Variants in BCL9 observed in about 807,000 individuals in gnomAD.
BCL9 encodes the protein BCL9 transcription coactivator.
BCL9 carries 25 observed loss-of-function variants against 88.5 expected under a neutral mutation model. That is an observed-to-expected ratio of 0.28 (90% confidence interval 0.21 to 0.39). BCL9 has a LOEUF of 0.39. Among genes scored for constraint, BCL9 ranks in the 10% least tolerant of loss-of-function variants. The pLI is 1.00. For synonymous variants in BCL9, 711 were observed against 673.3 expected, an observed-to-expected ratio of 1.06 and a Z score of -0.87; for missense variants, 1,817 against 1,877.8, an observed-to-expected ratio of 0.97 and a Z score of 0.60.
In BCL9 at chr1:147,614,565, A is replaced by T; in HGVS notation, c.509A>T (p.Gln170Leu). The T allele has an allele frequency of 6.2e-7, 1 of 1,614,006 alleles. No individual in the cohort carries two copies. The highest frequency in any genetic ancestry group is 8.5e-7 in the Non-Finnish European group (1 of 1,179,980). Residue 170 changes from glutamine (Q) to leucine (L), a missense_variant, in exon 6 of 10, where the codon CAG (glutamine) becomes CTG (leucine). By Grantham distance (113) the Gln-to-Leu change is moderately radical. This residue lies in a region of BCL9 where 1,228 missense variants were observed against 1,191.6 expected (regional missense o/e 1.03). Coordinates refer to ENST00000234739, the MANE Select transcript of BCL9 (RefSeq NM_004326.4). ...ACTGCCACAGAGCCCACACCTGCTCAGAAGACTCCAGCCAAAGTGGTGTAC... is the reference window on the plus strand; with the variant it reads ...ACTGCCACAGAGCCCACACCTGCTCTGAAGACTCCAGCCAAAGTGGTGTAC... ...QTTATEPTPA[Q>L]KTPAKVVYVF...
chr1:147,571,739 G>T (rs1169827493), intron 1 of BCL9, among the ~76,000 whole-genome samples: 21 of 152,122 alleles, frequency 1.4e-4, no homozygotes, highest in Non-Finnish European at 1.3e-4. Context: ...AGAAAAGCTG[G>T]ACCTGCTGAG....
chr1:147,611,848 T>G lies in BCL9; in HGVS notation c.12T>G (p.Ser4Arg). MHS[S>R]NPKVRSSPSG... The stretch of plus-strand genomic sequence containing the variant: ...CAGGATTTCAATCAATGCATTCCAG[T>G]AACCCTAAAGTGAGGAGCTCTCCAT... The change falls in exon 4 of 10, where the codon AGT (serine) becomes AGG (arginine). Residue 4 changes from serine to arginine, a missense_variant. Coordinates refer to ENST00000234739, the MANE Select transcript of BCL9 (RefSeq NM_004326.4). 1 of 1,614,146 alleles carries G rather than the reference T, an allele frequency of 6.2e-7. No homozygotes were observed. Among genetic ancestry groups the G allele is most frequent in the Non-Finnish European group, 8.5e-7 (1 of 1,180,008 alleles).
chr1:147,602,298 C>T (rs1362966063), intron 1 of BCL9, among the ~76,000 whole-genome samples: 5 of 151,256 alleles, frequency 3.3e-5, no homozygotes, highest in Non-Finnish European at 7.4e-5. Flanking sequence ...CCTCCGCCTC[C>T]CCATCCCAGT....
chr1:147,614,688 A>G, intron 6 of BCL9, 72 bp downstream of exon 6: 5 of 1,424,534 alleles, frequency 3.5e-6, no homozygotes, highest in Non-Finnish European at 4.7e-6. Flanking sequence ...CCCATTGCAG[A>G]TTGATCTTTT....
intron 1 of BCL9, among the ~76,000 whole-genome samples, chr1:147,586,615 A>G (rs1042621458): frequency 6.6e-6 from 1 of 151,904 alleles, no homozygotes; most frequent in Admixed American, 6.6e-5. Flanking sequence ...GGGCCAGGGG[A>G]CCCGCCCTTA....
Position 147,613,202 on chromosome 1 carries a change from A to G in BCL9, c.370+3A>G. 1 of 1,614,166 alleles carries G rather than the reference A, an allele frequency of 6.2e-7. No individual in the cohort carries two copies. On this transcript the variant is annotated splice_donor_region_variant and intron_variant, in intron 5 of 9. Transcript: ENST00000234739. Reference sequence around the variant, plus strand: ...AAACGATGACTCTGACATTAAAGGTATGTCTATAAGATCTTTGAGACTCAG... The same window carrying G: ...AAACGATGACTCTGACATTAAAGGTGTGTCTATAAGATCTTTGAGACTCAG...
At chr1:147,610,471 A>G (rs1553202479) in intron 3 of BCL9, among the ~76,000 whole-genome samples, 1 of 152,204 alleles carries the variant, frequency 6.6e-6, no homozygotes, top group Non-Finnish European at 1.5e-5. Flanking sequence ...GCTACAACCT[A>G]GGATATAATT....
chr1:147,556,799 T>C (rs1317884349), intron 1 of BCL9, among the ~76,000 whole-genome samples: 2 of 152,184 alleles, frequency 1.3e-5, no homozygotes, highest in African/African-American at 4.8e-5. Context: ...ACTTAAGTGT[T>C]GGTCACTTGA....
intron 7 of BCL9, 147 bp downstream of exon 7, chr1:147,616,049 C>A: frequency 1.4e-6 from 1 of 729,938 alleles, no homozygotes; most frequent in Non-Finnish European, 2.2e-6. Flanking sequence ...CATTGTGGGG[C>A]ATTAGGCATA....
chr1:147,601,878 A>G (rs1657408768), intron 1 of BCL9, among the ~76,000 whole-genome samples: 1 of 152,022 alleles, frequency 6.6e-6, no homozygotes, highest in African/African-American at 2.4e-5. Flanking sequence ...GAGAAATTGT[A>G]TTTTATTTTA....
intron 1 of BCL9, among the ~76,000 whole-genome samples, chr1:147,575,236 G>C (rs1656056933): frequency 6.6e-6 from 1 of 152,130 alleles, no homozygotes; most frequent in East Asian, 1.9e-4. Context: ...TTACCCTTCA[G>C]GTCTTGCCTT....
At chr1:147,543,217 T>C (rs781925816) in intron 1 of BCL9, among the ~76,000 whole-genome samples, 3 of 152,248 alleles carry the variant, frequency 2.0e-5, no homozygotes, top group Non-Finnish European at 2.9e-5. Context: ...AGGCTCTCAG[T>C]TGTAGCTCTC....
chr1:147,601,812 T>G (rs987347135), intron 1 of BCL9, among the ~76,000 whole-genome samples: 1 of 152,248 alleles, frequency 6.6e-6, no homozygotes, highest in African/African-American at 2.4e-5. Context: ...TTAAATGGCA[T>G]AAGGATGCTT....
At chr1:147,551,317 A>T (rs1654894102) in intron 1 of BCL9, among the ~76,000 whole-genome samples, 1 of 152,194 alleles carries the variant, frequency 6.6e-6, no homozygotes, top group African/African-American at 2.4e-5. Flanking sequence ...CCAAAGTCAT[A>T]TAATTGCTAA....
In BCL9 at chr1:147,620,770, A is replaced by C. The variant is rs782039107; in HGVS notation, c.2615A>C (p.Gln872Pro). 4.3e-5 allele frequency: 70 copies of C among 1,614,016 alleles called. No homozygotes were observed. Among genetic ancestry groups the C allele is most frequent in the Non-Finnish European group, 5.8e-5 (68 of 1,180,050 alleles). Residue 872 changes from glutamine to proline, a missense_variant, in exon 8 of 10, where the codon CAG (glutamine) becomes CCG (proline). Physicochemically the swap from Gln to Pro is moderately conservative, Grantham distance 76. Coordinates refer to ENST00000234739, the MANE Select transcript of BCL9 (RefSeq NM_004326.4). ...AAGTCTCCCACGATGCACCAAGTCC[A>C]GTCACCAATGCTGGGCTCGCCCTCG... Reference protein sequence around the residue: ...PLKSPTMHQVQSPMLGSPSGN... With the variant: ...PLKSPTMHQVPSPMLGSPSGN...
chr1:147,573,413 A>G lies in BCL9; in HGVS notation c.-477-31364A>G, dbSNP rs933851133. Among the ~76,000 whole-genome samples, 5 of 152,308 alleles carry G rather than the reference A, an allele frequency of 3.3e-5. No individual in the cohort carries two copies. The East Asian group carries it at 9.7e-4, about 29-fold the overall frequency. On this transcript the variant is annotated intron_variant, in intron 1 of 9. Coordinates refer to ENST00000234739, the MANE Select transcript of BCL9 (RefSeq NM_004326.4). Reference sequence around the variant, plus strand: ...GGTTGCAGTGAGCTGAGATCATGCCACTGCACTGCAGACTGGGCAACAGGA... The same window carrying G: ...GGTTGCAGTGAGCTGAGATCATGCCGCTGCACTGCAGACTGGGCAACAGGA...
intron 1 of BCL9, among the ~76,000 whole-genome samples, chr1:147,587,233 G>A (rs1570865093): frequency 6.6e-6 from 1 of 151,066 alleles, no homozygotes; most frequent in South Asian, 2.1e-4. Context: ...ACGCCCGAGA[G>A]AACCCAACGA....
chr1:147,622,554 T>G, intron 9 of BCL9, 23 bp downstream of exon 9: 1 of 1,613,776 alleles, frequency 6.2e-7, no homozygotes, highest in Non-Finnish European at 8.5e-7. Flanking sequence ...AAAGGCAGGT[T>G]GTGGAGTGAG....
rs1481039411 is a variant in BCL9 at position 147,612,909 on chromosome 1, T to C, written c.80T>C (p.Met27Thr). Residue 27 changes from methionine to threonine, a missense_variant, in exon 5 of 10, where the codon ATG (methionine) becomes ACG (threonine). Met to Thr is a moderately conservative substitution (Grantham distance 81). This residue lies in a region of BCL9 where 1,228 missense variants were observed against 1,191.6 expected (regional missense o/e 1.03). Transcript: ENST00000234739. The stretch of plus-strand genomic sequence containing the variant: ...AGCCCTAAGTCAAAGCAGGAGGTGA[T>C]GGTCCGTCCCCCTACAGTGATGTCC... The part of the protein sequence containing the change: ...QSSPKSKQEV[M>T]VRPPTVMSPS... 8 of 1,613,886 alleles carry C rather than the reference T, an allele frequency of 5.0e-6. No individual in the cohort carries two copies. The African/African-American group carries it at 5.3e-5, about 11-fold the overall frequency.
Sources: allele counts gnomAD v4.1 joint callset (sites outside exome capture counted in the v4.1 genomes callset), GRCh38; gene constraint gnomAD v4.1.1; regional missense constraint gnomAD v4.1.1; transcripts MANE v1.5; gene names NCBI Gene and HGNC (gene_info 2026-07-23, HGNC 2026-07-21).